Variants in DGKH observed in about 807,000 individuals in gnomAD.
The protein encoded by DGKH is DAG kinase eta.
In DGKH, 90 loss-of-function variants were observed where a neutral mutation model predicts 159.3. The ratio of observed to expected loss-of-function variants is 0.57; its 90% confidence interval spans 0.48 to 0.67. The LOEUF (loss-of-function observed/expected upper bound fraction) is 0.67. Ranked by LOEUF, DGKH falls within the 30% of genes least tolerant of loss-of-function variation. DGKH has a pLI of 0.00. For missense variants in DGKH, 1,181 were observed against 1,506.1 expected (o/e 0.78, Z 3.57); for synonymous variants, 536 against 553.8 (o/e 0.97, Z 0.45).
intron 29 of DGKH, among the ~76,000 whole-genome samples, chr13:42,225,034 G>A (rs965303116): frequency 6.6e-6 from 1 of 151,994 alleles, no homozygotes; most frequent in African/African-American, 2.4e-5. Flanking sequence ...TGACCCTCCC[G>A]CCTCAGCCTC....
chr13:42,248,017 G>A (rs146117269), intron 29 of DGKH, among the ~76,000 whole-genome samples: 154 of 152,272 alleles, frequency 1.0e-3, no homozygotes, highest in Admixed American at 2.0e-3. Context: ...CCTGTGTACA[G>A]TGTTTGTAAA....
chr13:42,142,419 C>T (rs1243454076), intron 3 of DGKH, among the ~76,000 whole-genome samples: 3 of 150,374 alleles, frequency 2.0e-5, no homozygotes, highest in African/African-American at 7.3e-5. Flanking sequence ...GTCGTTTTTT[C>T]CAATTCTGTG....
rs776903757 is a variant in DGKH at position 42,048,850 on chromosome 13, C to A, written c.77C>A (p.Thr26Asn). The change falls in exon 1 of 30, where the codon ACC (threonine) becomes AAC (asparagine). Residue 26 changes from threonine to asparagine, a missense_variant. Thr to Asn is a moderately conservative substitution (Grantham distance 65, BLOSUM62 0). This residue lies in a region of DGKH where 136 missense variants were observed against 132.2 expected (regional missense o/e 1.03). Transcript: ENST00000337343. The surrounding 1 kb of genome is among the most constrained non-coding windows in gnomAD (Gnocchi z 6.7). ...GAAAGAGAAVTSAAASAGPGE... is the reference protein window; with the variant it reads ...GAAAGAGAAVNSAAASAGPGE... ...GCCGCCGGAGCCGGCGCCGCGGTCA[C>A]CTCCGCCGCTGCCTCGGCGGGGCCG... 2 of 1,365,504 alleles carry A rather than the reference C, an allele frequency of 1.5e-6. No individual in the cohort carries two copies. Among genetic ancestry groups the A allele is most frequent in the East Asian group, 2.9e-5 (1 of 35,068 alleles). The allele number at this position is 1,365,504 out of a possible 1,614,324, so 84.6% of individuals were successfully genotyped here.
chr13:42,094,099 CA>C (rs1293903266), intron 1 of DGKH, among the ~76,000 whole-genome samples: 1 of 128,708 alleles, frequency 7.8e-6, no homozygotes, highest in Non-Finnish European at 1.5e-5. Flanking sequence ...AGGGGAATAT[CA>C]CACACTGGGG....
chr13:42,095,674 A>T (rs1008146107), intron 1 of DGKH, among the ~76,000 whole-genome samples: 3 of 152,164 alleles, frequency 2.0e-5, no homozygotes, highest in African/African-American at 7.2e-5. Context: ...TGAATTTAAA[A>T]TTTTACCATC....
intron 13 of DGKH, among the ~76,000 whole-genome samples, chr13:42,185,650 T>G (rs1315613602): frequency 6.6e-6 from 1 of 152,208 alleles, no homozygotes; most frequent in Non-Finnish European, 1.5e-5. Context: ...TCCCTTAAAG[T>G]AGCGCATTTT....
intron 3 of DGKH, among the ~76,000 whole-genome samples, chr13:42,137,713 A>G (rs1200875054): frequency 6.6e-6 from 1 of 152,210 alleles, no homozygotes; most frequent in Non-Finnish European, 1.5e-5. Flanking sequence ...ATTTCATTGT[A>G]TTTTGGCACT....
intron 3 of DGKH, among the ~76,000 whole-genome samples, chr13:42,139,139 T>TAG (rs1487598187): frequency 3.9e-5 from 6 of 152,170 alleles, no homozygotes; most frequent in African/African-American, 1.4e-4. Flanking sequence ...ACCAAAGTCT[T>TAG]AGGGCGTAAG....
chr13:42,155,008 A>G (rs552036207), intron 3 of DGKH, among the ~76,000 whole-genome samples: 16 of 152,224 alleles, frequency 1.1e-4, no homozygotes, highest in Non-Finnish European at 2.2e-4. Context: ...ATTTAAAATC[A>G]GTTTGTAAGA....
chr13:42,218,497 G>A (rs913736053), intron 26 of DGKH, among the ~76,000 whole-genome samples: 1 of 135,390 alleles, frequency 7.4e-6, no homozygotes, highest in African/African-American at 2.7e-5. Flanking sequence ...TTGTTCATGT[G>A]GTGACTTTTT....
intron 1 of DGKH, among the ~76,000 whole-genome samples, chr13:42,084,083 T>A (rs1954259653): frequency 6.6e-6 from 1 of 152,096 alleles, no homozygotes. Context: ...TTAATCAGAA[T>A]CTAGACATAA....
At chr13:42,147,641 G>A (rs941751107) in intron 3 of DGKH, among the ~76,000 whole-genome samples, 1 of 152,114 alleles carries the variant, frequency 6.6e-6, no homozygotes, top group Non-Finnish European at 1.5e-5. Flanking sequence ...TAAATGAATG[G>A]TAAAACATTT....
intron 1 of DGKH, among the ~76,000 whole-genome samples, chr13:42,086,555 C>A (rs917360560): frequency 1.3e-5 from 2 of 152,114 alleles, no homozygotes; most frequent in Non-Finnish European, 2.9e-5. Flanking sequence ...ATAATATGTT[C>A]TTTTAAAATT....
rs56999018 is a variant in DGKH at position 42,090,795 on chromosome 13, G to A, written c.193-36668G>A. On this transcript the variant is annotated intron_variant, in intron 1 of 29. Transcript: ENST00000337343. Reference sequence around the variant, plus strand: ...ATTGCCAGTGTGAAGGTATTAAGAGGTAGGGCTTTAAAGAGGTGATTGAGC... The same window carrying A: ...ATTGCCAGTGTGAAGGTATTAAGAGATAGGGCTTTAAAGAGGTGATTGAGC... Among the ~76,000 whole-genome samples, 958 of 152,272 alleles carry A rather than the reference G, an allele frequency of 6.3e-3. 8 individuals are homozygous for A. Among genetic ancestry groups the A allele is most frequent in the African/African-American group, 0.022 (914 of 41,548 alleles).
chr13:42,093,626 G>A (rs901054389), intron 1 of DGKH, among the ~76,000 whole-genome samples: 7 of 152,130 alleles, frequency 4.6e-5, no homozygotes, highest in Non-Finnish European at 8.8e-5. Flanking sequence ...ATAAACAGAC[G>A]AATGGGTAAA....
At chr13:42,221,624 AGTAATTTTTCTCT>A (rs1430468747) in intron 29 of DGKH, among the ~76,000 whole-genome samples, 1 of 152,342 alleles carries the variant, frequency 6.6e-6, no homozygotes, top group African/African-American at 2.4e-5. Flanking sequence ...GCATGAACTT[AGTAATTTTTCTCT>A]GCATCTAGTG....
intron 3 of DGKH, among the ~76,000 whole-genome samples, chr13:42,149,983 T>C (rs1213646267): frequency 6.6e-6 from 1 of 152,234 alleles, no homozygotes; most frequent in Non-Finnish European, 1.5e-5. Context: ...TTTTGAGTTC[T>C]TTTATTTACC....
chr13:42,109,908 T>C (rs1438667871), intron 1 of DGKH, among the ~76,000 whole-genome samples: 1 of 152,158 alleles, frequency 6.6e-6, no homozygotes, highest in Admixed American at 6.5e-5. Flanking sequence ...AAAATCATCA[T>C]TGGAGTGGAG....
chr13:42,140,978 C>A (rs535851856), intron 3 of DGKH: 2 of 138,658 alleles, frequency 1.4e-5, no homozygotes, highest in African/African-American at 5.3e-5. Flanking sequence ...ATGTGCACAA[C>A]GTGCAGATTA....
Sources: allele counts gnomAD v4.1 joint callset (sites outside exome capture counted in the v4.1 genomes callset), GRCh38; gene constraint gnomAD v4.1.1; regional missense constraint gnomAD v4.1.1; non-coding constraint Gnocchi (gnomAD v3.1); transcripts MANE v1.5; gene names NCBI Gene and HGNC (gene_info 2026-07-23, HGNC 2026-07-21).